The following MACF1 variants were observed in gnomAD, a reference collection of about 807,000 sequenced individuals.
The protein encoded by MACF1 is microtubule-actin cross-linking factor 1.
Under a neutral mutation model 854.8 loss-of-function variants are expected in MACF1, and 193 were observed. The observed-to-expected ratio is 0.23, with a 90% CI of 0.20 to 0.25. The LOEUF (loss-of-function observed/expected upper bound fraction) is 0.25. Ranked by LOEUF, MACF1 falls within the 10% of genes least tolerant of loss-of-function variation. The pLI, the probability that MACF1 is intolerant of heterozygous loss-of-function variation, is 1.00. For synonymous variants in MACF1, 3,185 were observed against 3,226.7 expected (o/e 0.99, Z 0.44); for missense variants, 7,722 against 8,929.1 (o/e 0.86, Z 5.45).
chr1:39,172,034 C>T (rs537253979), intron 2 of MACF1, among the ~76,000 whole-genome samples: 13 of 152,292 alleles, frequency 8.5e-5, no homozygotes, highest in South Asian at 8.3e-4. Flanking sequence ...TAAAATGCTA[C>T]GGTGGAAACC....
intron 6 of MACF1, chr1:39,268,855 A>C: frequency 1.6e-6 from 2 of 1,289,832 alleles, no homozygotes; most frequent in Middle Eastern, 2.1e-4. Flanking sequence ...GAAACCTCAG[A>C]AGGAACTGGA....
At chr1:39,234,555 C>G (rs1225304638) in intron 2 of MACF1, among the ~76,000 whole-genome samples, 1 of 112,112 alleles carries the variant, frequency 8.9e-6, no homozygotes, top group Middle Eastern at 4.3e-3. Flanking sequence ...GCTGACCCCC[C>G]CACCTCCCTC....
Position 39,295,035 on chromosome 1 carries a change from T to C in MACF1, c.2155-11T>C, listed in dbSNP as rs1464539335. ...GAGTGCTTATGCTGTAAAATTGAAT[T>C]CCATTTTCAGGAGTTGACAATGGAA... is the stretch of plus-strand genomic sequence containing the variant. On this transcript the variant is annotated splice_polypyrimidine_tract_variant and intron_variant, in intron 18 of 100. Transcript: ENST00000564288. 3 of 1,604,478 alleles carry C rather than the reference T, an allele frequency of 1.9e-6. No homozygotes were observed. The highest frequency in any genetic ancestry group is 2.6e-6 in the Non-Finnish European group (3 of 1,171,370).
chr1:39,359,986 C>CAAAAAAA (rs1178910336), intron 47 of MACF1, among the ~76,000 whole-genome samples: 2 of 11,746 alleles, frequency 1.7e-4, no homozygotes, highest in Admixed American at 2.1e-3. Flanking sequence ...GACTCCGTCT[C>CAAAAAAA]AAAAAAAAAA....
intron 99 of MACF1, 82 bp from the exon 100 acceptor site, chr1:39,484,519 G>T (rs1023149680): frequency 1.1e-5 from 13 of 1,237,636 alleles, no homozygotes; most frequent in Non-Finnish European, 1.1e-5. Flanking sequence ...AATATAAGGA[G>T]GTGTAAGGAG....
At chr1:39,313,072 A>AT (rs1273874789) in intron 26 of MACF1, among the ~76,000 whole-genome samples, 7 of 151,858 alleles carry the variant, frequency 4.6e-5, no homozygotes, top group Admixed American at 2.0e-4. Flanking sequence ...TGACCTTAAC[A>AT]TTTTTTTTAT....
rs567592808 is a variant in MACF1 at position 39,406,937 on chromosome 1, C to T, written c.15817-15437C>T. ...TTGATCTTTCCTTCCCTGAGTTTTT[C>T]CAGTTGTGCTGAATAATTAAAGGAA... is the stretch of plus-strand genomic sequence containing the variant. On this transcript the variant is annotated intron_variant, in intron 58 of 100. Coordinates refer to ENST00000564288, the MANE Select transcript of MACF1 (RefSeq NM_001394062.1). Among the ~76,000 whole-genome samples the T allele has an allele frequency of 2.4e-4, 36 of 152,140 alleles. 1 individual carries two copies. Among genetic ancestry groups the T allele is most frequent in the African/African-American group, 8.7e-4 (36 of 41,486 alleles).
chr1:39,440,111 C>CTTTTCTTTTCTT (rs1553414036), intron 72 of MACF1, among the ~76,000 whole-genome samples: 2 of 64,568 alleles, frequency 3.1e-5, no homozygotes, highest in African/African-American at 6.7e-5. Flanking sequence ...CTTTTCTTTT[C>CTTTTCTTTTCTT]TTTTTTTTTT....
At chr1:39,256,786 A>G (rs767978333) in intron 5 of MACF1, among the ~76,000 whole-genome samples, 2 of 151,612 alleles carry the variant, frequency 1.3e-5, no homozygotes, top group Non-Finnish European at 2.9e-5. Context: ...CATGGCAGGT[A>G]TGGATATCTG....
chr1:39,252,722 T>C (rs1434543687), intron 4 of MACF1, among the ~76,000 whole-genome samples: 2 of 152,240 alleles, frequency 1.3e-5, no homozygotes, highest in African/African-American at 4.8e-5. Flanking sequence ...TTCTAAGCCA[T>C]ATTCACAATT....
At chr1:39,200,967 T>C (rs78323190), upstream of MACF1, among the ~76,000 whole-genome samples, 9,269 of 152,168 alleles carry the variant, frequency 0.061, 376 homozygotes, top group Admixed American at 0.083. Flanking sequence ...TCAAACCTAA[T>C]GTTATTCAAA....
At position 39,439,343 on chromosome 1, in the gene MACF1, A is replaced by C. The variant is rs1311326597; in HGVS notation, c.18290A>C (p.Glu6097Ala). 1 of 1,614,100 alleles carries C rather than the reference A, an allele frequency of 6.2e-7. No homozygotes were observed. The highest frequency in any genetic ancestry group is 2.2e-5 in the East Asian group (1 of 44,862). ...ATCAAAGCTCGGGCTGAAGAACGAG[A>C]AATCAAATTTCTTGATGTCCTTGAA... ...EDIKARAEER[E>A]IKFLDVLELA... The change falls in exon 72 of 101, where the codon GAA becomes GCA. Residue 6097 changes from glutamate to alanine, a missense_variant. Glu to Ala is a moderately radical substitution (Grantham distance 107, BLOSUM62 -1). Transcript: ENST00000564288.
chr1:39,257,969 A>G lies in MACF1; in HGVS notation c.469A>G (p.Thr157Ala). Residue 157 changes from threonine to alanine, a missense_variant, in exon 6 of 101, where the codon ACA (threonine) becomes GCA (alanine). Around this residue, in one of 15 missense-constraint regions of MACF1, gnomAD observed 108 missense variants for 196.4 expected, o/e 0.55. Transcript: ENST00000564288. ...KLVNIRNDDITDGNPKLTLGL... is the reference protein window; with the variant it reads ...KLVNIRNDDIADGNPKLTLGL... ...AGTGAATATTCGCAATGATGACATC[A>G]CAGATGGCAACCCCAAGTTGACCCT... 1 of 1,614,080 alleles carries G rather than the reference A, an allele frequency of 6.2e-7. No homozygotes were observed. The highest frequency in any genetic ancestry group is 2.2e-5 in the East Asian group (1 of 44,886).
Position 39,380,392 on chromosome 1 carries a change from G to A in MACF1, c.13648+19G>A. 3 of 1,604,914 alleles carry A rather than the reference G, an allele frequency of 1.9e-6. No homozygotes were observed. The highest frequency in any genetic ancestry group is 2.6e-6 in the Non-Finnish European group (3 of 1,176,276). On this transcript the variant is annotated intron_variant, in intron 55 of 100. Coordinates refer to ENST00000564288, the MANE Select transcript of MACF1 (RefSeq NM_001394062.1). ...GAACTCAGTAAGTTTTCACAAGAGT[G>A]TTACAAATTTGCTAAGTTACTTGTC... is the stretch of plus-strand genomic sequence containing the variant.
At chr1:39,122,255 CTTTT>C (rs138256170) in intron 2 of MACF1, among the ~76,000 whole-genome samples, 4 of 135,874 alleles carry the variant, frequency 2.9e-5, no homozygotes, top group Admixed American at 1.5e-4. Context: ...TGGTAATATT[CTTTT>C]TTTTTTTTTT....
chr1:39,189,457 C>G (rs1644218511), intron 2 of MACF1, among the ~76,000 whole-genome samples: 2 of 152,264 alleles, frequency 1.3e-5, no homozygotes, highest in South Asian at 4.1e-4. Flanking sequence ...GATGGATACC[C>G]CAAAGTTGGC....
At chr1:39,436,581 T>A (rs1459302525) in intron 70 of MACF1, 13 of 1,240,098 alleles carry the variant, frequency 1.0e-5, no homozygotes, top group Non-Finnish European at 1.3e-5. Context: ...TTAACTTTAG[T>A]GGAATAAATT....
At chr1:39,286,076 C>T (rs1645635613) in intron 14 of MACF1, among the ~76,000 whole-genome samples, 4 of 152,242 alleles carry the variant, frequency 2.6e-5, no homozygotes, top group Middle Eastern at 3.4e-3. Flanking sequence ...TGCAGTGGCA[C>T]AATCATGGCT....
At chr1:39,258,286 T>A (rs547046953) in intron 6 of MACF1, among the ~76,000 whole-genome samples, 2 of 152,328 alleles carry the variant, frequency 1.3e-5, no homozygotes, top group East Asian at 3.9e-4. Flanking sequence ...TCCTCAGCAG[T>A]CTGGTTATTA....
Sources: gnomAD v4.1 joint callset for allele counts (sites outside exome capture counted in the v4.1 genomes callset) on GRCh38, gnomAD v4.1.1 for gene constraint, gnomAD v4.1.1 regional missense constraint, MANE v1.5 for transcripts, NCBI Gene and HGNC (gene_info 2026-07-23, HGNC 2026-07-21) for gene names.